The following C14orf132 variants were observed in gnomAD, a reference collection of about 807,000 sequenced individuals.
The protein encoded by C14orf132 is chromosome 14 open reading frame 132, also known as uncharacterized protein C14orf132.
Under a neutral mutation model 5.8 loss-of-function variants are expected in C14orf132, and 6 were observed. The observed-to-expected ratio is 1.03, with a 90% confidence interval of 0.57 to 2.04. The LOEUF (loss-of-function observed/expected upper bound fraction) is 2.04, where lower values mean the gene tolerates loss of function less well. Ranked by LOEUF, C14orf132 falls within the 30% of genes most tolerant of loss-of-function variation. C14orf132 has a pLI of 0.00. For synonymous variants in C14orf132, 51 were observed against 49.8 expected (o/e 1.02, Z -0.10); for missense variants, 125 against 115.8 (o/e 1.08, Z -0.37).
chr14:96,081,038 T>G (rs1294989131), intron 1 of C14orf132, among the ~76,000 whole-genome samples: 1 of 152,250 alleles, frequency 6.6e-6, no homozygotes, highest in Non-Finnish European at 1.5e-5. Context: ...GTTTGCCTTG[T>G]CTTTCCTTAT....
intron 1 of C14orf132, among the ~76,000 whole-genome samples, chr14:96,062,232 C>T (rs1380547644): frequency 3.3e-5 from 5 of 152,098 alleles, no homozygotes; most frequent in Non-Finnish European, 7.3e-5. Flanking sequence ...CACAGTCTGC[C>T]CACTAGGGTG....
chr14:96,053,846 G>T (rs1887102279), intron 1 of C14orf132, among the ~76,000 whole-genome samples: 1 of 152,216 alleles, frequency 6.6e-6, no homozygotes, highest in Non-Finnish European at 1.5e-5. Context: ...AGGCCTTGGG[G>T]AGGGAGCACT....
intron 1 of C14orf132, among the ~76,000 whole-genome samples, chr14:96,074,784 C>A (rs576679970): frequency 1.8e-5 from 2 of 108,234 alleles, no homozygotes; most frequent in African/African-American, 3.4e-5. Context: ...ATGCATCCAT[C>A]CTTTTGCTAA....
intron 1 of C14orf132, among the ~76,000 whole-genome samples, chr14:96,063,996 G>C (rs1288718080): frequency 2.0e-5 from 3 of 152,122 alleles, no homozygotes; most frequent in East Asian, 3.9e-4. Flanking sequence ...TAATCATCAG[G>C]GAAATGCAAA....
chr14:96,049,423 C>A (rs1319820398), intron 1 of C14orf132, among the ~76,000 whole-genome samples: 1 of 149,040 alleles, frequency 6.7e-6, no homozygotes, highest in Non-Finnish European at 1.5e-5. Context: ...TCACTGCAAG[C>A]TCTGCCTCCT....
chr14:96,058,906 G>A (rs1887263233), intron 1 of C14orf132, among the ~76,000 whole-genome samples: 2 of 152,368 alleles, frequency 1.3e-5, no homozygotes, highest in South Asian at 2.1e-4. Flanking sequence ...GCCAGAGCCT[G>A]GTTGCATATC....
At chr14:96,051,178 C>T (rs1887015894) in intron 1 of C14orf132, 1 of 398,550 alleles carries the variant, frequency 2.5e-6, no homozygotes. Flanking sequence ...CATGGACCAG[C>T]CTAACTCCTT....
At chr14:96,078,570 G>T (rs906251491) in intron 1 of C14orf132, among the ~76,000 whole-genome samples, 1 of 152,154 alleles carries the variant, frequency 6.6e-6, no homozygotes, top group Non-Finnish European at 1.5e-5. Context: ...TGCCGGCACC[G>T]CAAGCATTTT....
chr14:96,049,607 TATACATATATAC>T (rs1351058405), intron 1 of C14orf132, among the ~76,000 whole-genome samples: 2 of 116,208 alleles, frequency 1.7e-5, no homozygotes, highest in African/African-American at 6.9e-5. Flanking sequence ...TACGTATATA[TATACATATATAC>T]GTATATATAT....
At chr14:96,046,245 G>C (rs768122144) in intron 1 of C14orf132, among the ~76,000 whole-genome samples, 1 of 152,238 alleles carries the variant, frequency 6.6e-6, no homozygotes, top group Non-Finnish European at 1.5e-5. Context: ...TTGATGTAGT[G>C]TGTGTGTCTA....
At chr14:96,053,756 C>CT (rs1279264671) in intron 1 of C14orf132, among the ~76,000 whole-genome samples, 1 of 152,204 alleles carries the variant, frequency 6.6e-6, no homozygotes, top group Admixed American at 6.5e-5. Flanking sequence ...GGTCACACGG[C>CT]TCACCCTGTC....
chr14:96,062,754 G>T (rs1430762254), intron 1 of C14orf132, among the ~76,000 whole-genome samples: 1 of 152,174 alleles, frequency 6.6e-6, no homozygotes, highest in Non-Finnish European at 1.5e-5. Context: ...CTCAACAGAG[G>T]ATTAAAGCGC....
At chr14:96,046,868 A>T (rs543404704) in intron 1 of C14orf132, among the ~76,000 whole-genome samples, 20 of 152,324 alleles carry the variant, frequency 1.3e-4, no homozygotes, top group African/African-American at 4.3e-4. Flanking sequence ...ATCTCTTCCT[A>T]TTGGAGAGGT....
At chr14:96,063,618 C>T (rs1196833373) in intron 1 of C14orf132, among the ~76,000 whole-genome samples, 1 of 152,106 alleles carries the variant, frequency 6.6e-6, no homozygotes, top group Non-Finnish European at 1.5e-5. Flanking sequence ...CATGTGGCAT[C>T]CTTTTGAGGA....
chr14:96,087,961 C>T lies in C14orf132; in HGVS notation c.*1226C>T, dbSNP rs1027022172. The T allele has an allele frequency of 6.6e-6, 1 of 150,630 alleles. No homozygotes were observed. The highest frequency in any genetic ancestry group is 1.5e-5 in the Non-Finnish European group (1 of 67,582). The allele number at this position is 150,630 out of a possible 1,614,324, so 9.3% of individuals were successfully genotyped here. ...ACAGGAACCACCCCCACCCCCACCC[C>T]CCACACCTTCCCAAGGCAGCATCCC... On this transcript the variant is annotated 3_prime_UTR_variant, in exon 2 of 2. Coordinates refer to ENST00000555004, the MANE Select transcript of C14orf132 (RefSeq NM_001252507.3).
At chr14:96,070,210 G>A (rs1004886121) in intron 1 of C14orf132, among the ~76,000 whole-genome samples, 2 of 152,212 alleles carry the variant, frequency 1.3e-5, no homozygotes, top group Admixed American at 6.5e-5. Context: ...CCTTGGAATT[G>A]TCCCTTTTTC....
chr14:96,087,149 G>A lies in C14orf132; in HGVS notation c.*414G>A. The A allele has an allele frequency of 4.9e-6, 1 of 205,016 alleles. No homozygotes were observed. Among genetic ancestry groups the A allele is most frequent in the South Asian group, 9.0e-5 (1 of 11,098 alleles). 12.7% of individuals were successfully genotyped at this position (205,016 alleles called of 1,614,324 possible). A position where few individuals can be genotyped will look rare whatever the true frequency, so the allele number is the denominator to read the frequency against. ...CGAACCTAGGGCGTGGGGTGCTGGG[G>A]CAAGAGCAGCCCTCAGAACTTCAGT... On this transcript the variant is annotated 3_prime_UTR_variant, in exon 2 of 2. Transcript: ENST00000555004.
rs371381526 is a variant in C14orf132 at position 96,049,653 on chromosome 14, T to TACGTATATATGTATATATATAG, written c.27+10127_27+10128insCGTATATATGTATATATATAGA. 1.4e-3 allele frequency among the ~76,000 whole-genome samples: 112 copies of TACGTATATATGTATATATATAG among 82,282 alleles called. 11 individuals carry two copies. Among genetic ancestry groups the TACGTATATATGTATATATATAG allele is most frequent in the African/African-American group, 4.9e-3 (107 of 21,760 alleles). 54.0% of individuals were successfully genotyped at this position (82,282 alleles called of 152,430 possible). A position where few individuals can be genotyped will look rare whatever the true frequency, so the allele number is the denominator to read the frequency against. ...ATACATATATACGTATATATATATATAGAGAGAGAGAGAGAGAGAGTTCTG... is the reference window on the plus strand; with the variant it reads ...ATACATATATACGTATATATATATATACGTATATATGTATATATATAGAGAGAGAGAGAGAGAGAGAGTTCTG... On this transcript the variant is annotated intron_variant, in intron 1 of 1. Coordinates refer to ENST00000555004, the MANE Select transcript of C14orf132 (RefSeq NM_001252507.3).
chr14:96,049,591 C>T lies in C14orf132; in HGVS notation c.27+10064C>T, dbSNP rs867994792. Among the ~76,000 whole-genome samples the T allele has an allele frequency of 5.0e-3, 598 of 119,990 alleles. 13 individuals carry two copies. The highest frequency in any genetic ancestry group is 0.017 in the African/African-American group (549 of 32,528). 78.7% of individuals were successfully genotyped at this position (119,990 alleles called of 152,430 possible). Reference sequence around the variant, plus strand: ...ATATACATATATACGTATATATATACATATATACGTATATATATACATATA... The same window carrying T: ...ATATACATATATACGTATATATATATATATATACGTATATATATACATATA... On this transcript the variant is annotated intron_variant, in intron 1 of 1. Coordinates refer to ENST00000555004, the MANE Select transcript of C14orf132 (RefSeq NM_001252507.3).
Sources: gnomAD v4.1 joint callset for allele counts (sites outside exome capture counted in the v4.1 genomes callset) on GRCh38, gnomAD v4.1.1 for gene constraint, MANE v1.5 for transcripts, NCBI Gene and HGNC (gene_info 2026-07-23, HGNC 2026-07-21) for gene names.